The following ADAM22 variants were observed in gnomAD, a reference collection of about 807,000 sequenced individuals.
ADAM22 encodes the protein ADAM metallopeptidase domain 22.
A neutral mutation model predicts 144.6 loss-of-function variants in ADAM22; 65 were observed. The ratio of observed to expected loss-of-function variants is 0.45; its 90% CI spans 0.37 to 0.55. ADAM22 has a LOEUF of 0.55. Ranked by LOEUF, ADAM22 falls within the 20% of genes least tolerant of loss-of-function variation. ADAM22 has a pLI of 0.00. For missense variants in ADAM22, 974 were observed against 1,184.9 expected (o/e 0.82, Z 2.61); for synonymous variants, 391 against 412.6 (o/e 0.95, Z 0.63).
chr7:88,074,631 A>C (rs1036088294), intron 3 of ADAM22, among the ~76,000 whole-genome samples: 3 of 152,242 alleles, frequency 2.0e-5, no homozygotes, highest in African/African-American at 7.2e-5. Flanking sequence ...AAGAACATCT[A>C]TTCTCAAGAT....
At position 88,181,964 on chromosome 7, in the gene ADAM22, T is replaced by C. The variant is rs1847151700; in HGVS notation, c.2603T>C (p.Leu868Pro). ...TCTAAACCGTCTTTTTCAGGTAACC[T>C]GGGAGGCAACAAAAAGAAAATCAGA... is the stretch of plus-strand genomic sequence containing the variant. ...RPRSNSWQGN[L>P]GGNKKKIRGK... Residue 868 changes from leucine (L) to proline (P), a missense_variant, in exon 29 of 32, where the codon CTG becomes CCG. This residue lies in a region of ADAM22 where 734 missense variants were observed against 950.6 expected (regional missense o/e 0.77). Transcript: ENST00000413139. The C allele has an allele frequency of 6.2e-7, 1 of 1,613,686 alleles. No homozygotes were observed. The highest frequency in any genetic ancestry group is 8.5e-7 in the Non-Finnish European group (1 of 1,179,720).
At chr7:88,039,188 T>G (rs1802333316) in intron 3 of ADAM22, among the ~76,000 whole-genome samples, 2 of 151,856 alleles carry the variant, frequency 1.3e-5, no homozygotes, top group Admixed American at 6.6e-5. Flanking sequence ...CTCACACCTG[T>G]AATCCCAGCA....
At chr7:88,013,591 A>C (rs984558555) in intron 3 of ADAM22, among the ~76,000 whole-genome samples, 1 of 151,770 alleles carries the variant, frequency 6.6e-6, no homozygotes, top group South Asian at 2.1e-4. Context: ...TGCCTGGCTA[A>C]ATTTTTTATT....
At chr7:88,082,483 A>C (rs2129483224) in intron 4 of ADAM22, among the ~76,000 whole-genome samples, 1 of 152,294 alleles carries the variant, frequency 6.6e-6, no homozygotes, top group African/African-American at 2.4e-5. Context: ...CAAAATTGAC[A>C]AGTGGGATCT....
intron 3 of ADAM22, among the ~76,000 whole-genome samples, chr7:87,979,085 G>A (rs78090900): frequency 7.9e-4 from 121 of 152,266 alleles, no homozygotes; most frequent in African/African-American, 2.8e-3. Flanking sequence ...GGGCAAGTGG[G>A]CAGAGACCAG....
At chr7:88,115,691 GAC>G (rs1189242439) in intron 6 of ADAM22, among the ~76,000 whole-genome samples, 2 of 152,206 alleles carry the variant, frequency 1.3e-5, no homozygotes, top group East Asian at 3.9e-4. Context: ...GAAGTCTGGG[GAC>G]ACACACACAT....
intron 3 of ADAM22, among the ~76,000 whole-genome samples, chr7:88,012,261 A>G (rs1380679345): frequency 3.3e-5 from 5 of 152,120 alleles, no homozygotes; most frequent in Non-Finnish European, 1.5e-5. Flanking sequence ...GATGTTGTCT[A>G]CTTTTTCCAC....
intron 3 of ADAM22, among the ~76,000 whole-genome samples, chr7:88,019,549 A>G (rs984214457): frequency 6.6e-6 from 1 of 151,696 alleles, no homozygotes; most frequent in Non-Finnish European, 1.5e-5. Flanking sequence ...AACTTACTTC[A>G]AAATATATTT....
chr7:88,134,403 A>C lies in ADAM22; in HGVS notation c.1152A>C (p.Lys384Asn). ...ATAATATTGGTATTATCTCAGACAA[A>C]AGAAAGTTAGCAAGTGGTAAGTTTT... is the stretch of plus-strand genomic sequence containing the variant. ...LAHNIGIISD[K>N]RKLASGECKC... The change falls in exon 13 of 32, where the codon AAA becomes AAC. Residue 384 changes from lysine (K) to asparagine (N), a missense_variant. Physicochemically the swap from Lys to Asn is moderately conservative, Grantham distance 94. Coordinates refer to ENST00000413139, the MANE Select transcript of ADAM22 (RefSeq NM_001324418.2). 1 of 1,609,564 alleles carries C rather than the reference A, an allele frequency of 6.2e-7. No individual in the cohort carries two copies. Among genetic ancestry groups the C allele is most frequent in the Non-Finnish European group, 8.5e-7 (1 of 1,178,068 alleles).
In ADAM22 at chr7:88,131,453, TGA is replaced by T. The variant is rs1831745210; in HGVS notation, c.992+19_992+20del. On this transcript the variant is annotated intron_variant, in intron 11 of 31. Transcript: ENST00000413139. ...CTTTTTTCGTACGTAACTTCTGTAA[TGA>T]TGTATTACTTTTTTTGATTCCATGT... The T allele has an allele frequency of 6.2e-7, 1 of 1,611,516 alleles. No homozygotes were observed. The highest frequency in any genetic ancestry group is 1.1e-5 in the South Asian group (1 of 91,028).
At chr7:88,029,169 C>T (rs1799683780) in intron 3 of ADAM22, among the ~76,000 whole-genome samples, 1 of 151,292 alleles carries the variant, frequency 6.6e-6, no homozygotes, top group African/African-American at 2.4e-5. Flanking sequence ...TTCTTCCTTT[C>T]TGTCTTCTTT....
At chr7:88,007,218 A>G (rs1794139473) in intron 3 of ADAM22, among the ~76,000 whole-genome samples, 2 of 152,198 alleles carry the variant, frequency 1.3e-5, no homozygotes, top group Non-Finnish European at 2.9e-5. Flanking sequence ...TTCAAGGAGA[A>G]CTACAAACCA....
In ADAM22 at chr7:88,186,687, A is replaced by G. The variant is rs1435067125; in HGVS notation, c.2736A>G (p.Glu912=). Residue 912 remains glutamate (E), a synonymous_variant, in exon 30 of 32, where the codon GAA becomes GAG. Coordinates refer to ENST00000413139, the MANE Select transcript of ADAM22 (RefSeq NM_001324418.2). The part of the protein sequence containing the change: ...KWVEDVNKNT[E]GPYFRTLSPA... ...TAGAAGATGTGAATAAAAACACTGA[A>G]GGACCATACTTTAGGTATTTTATAA... 1 of 1,601,348 alleles carries G rather than the reference A, an allele frequency of 6.2e-7. No homozygotes were observed. The highest frequency in any genetic ancestry group is 1.1e-5 in the South Asian group (1 of 90,806).
intron 3 of ADAM22, among the ~76,000 whole-genome samples, 162 bp downstream of exon 3, chr7:87,978,574 G>T (rs1426379910): frequency 6.6e-6 from 1 of 152,114 alleles, no homozygotes; most frequent in Non-Finnish European, 1.5e-5. Flanking sequence ...AAGTCTGGCA[G>T]ATAACAAGAA....
chr7:88,009,254 T>C (rs150573427), intron 3 of ADAM22, among the ~76,000 whole-genome samples: 64 of 152,330 alleles, frequency 4.2e-4, no homozygotes, highest in African/African-American at 1.3e-3. Flanking sequence ...ATTAGCTTCA[T>C]TGATGTCAGT....
chr7:88,034,941 T>C (rs1585150185), intron 3 of ADAM22, among the ~76,000 whole-genome samples: 1 of 152,170 alleles, frequency 6.6e-6, no homozygotes, highest in African/African-American at 2.4e-5. Context: ...CCTACTGTCT[T>C]CAGTGCCTGT....
intron 3 of ADAM22, among the ~76,000 whole-genome samples, chr7:88,067,668 A>C (rs1811631213): frequency 6.6e-6 from 1 of 152,098 alleles, no homozygotes; most frequent in South Asian, 2.1e-4. Flanking sequence ...ACTTTGCTTT[A>C]TTAGGAACAG....
At chr7:87,935,430 G>A (rs190282400) in intron 2 of ADAM22, among the ~76,000 whole-genome samples, 1 of 152,328 alleles carries the variant, frequency 6.6e-6, no homozygotes, top group Non-Finnish European at 1.5e-5. Flanking sequence ...CTTCAGCAGT[G>A]CGGTGAGCTG....
chr7:88,010,061 T>G (rs890900147), intron 3 of ADAM22, among the ~76,000 whole-genome samples: 2 of 151,950 alleles, frequency 1.3e-5, no homozygotes, highest in Non-Finnish European at 2.9e-5. Context: ...TAGAACCATG[T>G]GAACATATTG....
Sources: gnomAD v4.1 joint callset for allele counts (sites outside exome capture counted in the v4.1 genomes callset) on GRCh38, gnomAD v4.1.1 for gene constraint, gnomAD v4.1.1 regional missense constraint, MANE v1.5 for transcripts, NCBI Gene and HGNC (gene_info 2026-07-23, HGNC 2026-07-21) for gene names.